The following RNASEH2B variants were observed in gnomAD, a reference collection of about 807,000 sequenced individuals.
The protein encoded by RNASEH2B is ribonuclease H2 subunit B.
A neutral mutation model predicts 45.0 loss-of-function variants in RNASEH2B; 36 were observed. The ratio of observed to expected loss-of-function variants is 0.80; its 90% CI spans 0.61 to 1.06. The LOEUF (loss-of-function observed/expected upper bound fraction) is 1.06, where lower values mean the gene tolerates loss of function less well. Among genes scored for constraint, RNASEH2B ranks in the 50% least tolerant of loss-of-function variants. The pLI, the probability that RNASEH2B is intolerant of heterozygous loss-of-function variation, is 0.00. For synonymous variants in RNASEH2B, 119 were observed against 125.7 expected (o/e 0.95, Z 0.35); for missense variants, 361 against 360.3 (o/e 1.00, Z -0.02).
At chr13:50,959,893 G>A (rs1952093594), downstream of RNASEH2B, 1 of 272,256 alleles carries the variant, frequency 3.7e-6, no homozygotes, top group South Asian at 1.7e-4. Context: ...ATTTTGTCAA[G>A]TTCTAAGAGT....
At chr13:50,949,254 C>T (rs547886735) in intron 8 of RNASEH2B, 2 of 560,936 alleles carry the variant, frequency 3.6e-6, no homozygotes, top group South Asian at 4.6e-5. Flanking sequence ...GTTCAGACAA[C>T]ACCAAAACAA....
At chr13:50,940,224 G>A (rs1951816819) in intron 5 of RNASEH2B, among the ~76,000 whole-genome samples, 1 of 152,186 alleles carries the variant, frequency 6.6e-6, no homozygotes, top group Non-Finnish European at 1.5e-5. Flanking sequence ...GCCCTATAAT[G>A]ATGGATGAGT....
chr13:50,934,679 G>A (rs750771633), intron 4 of RNASEH2B: 3 of 593,256 alleles, frequency 5.1e-6, no homozygotes, highest in Non-Finnish European at 6.0e-6. Context: ...GGTGTGCTGT[G>A]TGGGACTCCA....
intron 9 of RNASEH2B, chr13:50,969,911 A>G (rs1242748220): frequency 1.3e-6 from 2 of 1,550,848 alleles, no homozygotes; most frequent in African/African-American, 1.4e-5. Flanking sequence ...GACACACCAC[A>G]TGTTTTCCTT....
At chr13:50,911,333 GGTTA>G (rs1473244734) in intron 1 of RNASEH2B, 3 of 152,328 alleles carry the variant, frequency 2.0e-5, no homozygotes, top group Admixed American at 6.5e-5. Context: ...TTGGTTGGTT[GGTTA>G]GTTTTTTCAT....
chr13:50,916,946 T>C (rs1879778774), intron 1 of RNASEH2B, among the ~76,000 whole-genome samples: 1 of 152,106 alleles, frequency 6.6e-6, no homozygotes, highest in South Asian at 2.1e-4. Context: ...CCTCTCTGAG[T>C]GTTAACTTCC....
chr13:50,919,068 T>G (rs190637472), intron 1 of RNASEH2B, among the ~76,000 whole-genome samples: 92 of 152,314 alleles, frequency 6.0e-4, no homozygotes, highest in Admixed American at 2.8e-3. Flanking sequence ...TCAGAGAGGC[T>G]CAGGAACAAG....
rs1879244624 is a variant in RNASEH2B at position 50,910,000 on chromosome 13, T to C, written c.-77T>C. 1.5e-6 allele frequency: 2 copies of C among 1,294,252 alleles called. No individual in the cohort carries two copies. Among genetic ancestry groups the C allele is most frequent in the Admixed American group, 2.6e-5 (1 of 39,118 alleles). 80.2% of individuals were successfully genotyped at this position (1,294,252 alleles called of 1,614,324 possible). A position where few individuals can be genotyped will look rare whatever the true frequency, so the allele number is the denominator to read the frequency against. Reference sequence around the variant, plus strand: ...CCGCGCCACCCGGAACAGACCCTTCTCCCGCCATTTTCGGCGGGGCTGGGA... The same window carrying C: ...CCGCGCCACCCGGAACAGACCCTTCCCCCGCCATTTTCGGCGGGGCTGGGA... On this transcript the variant is annotated 5_prime_UTR_variant, in exon 1 of 11. Coordinates refer to ENST00000336617, the MANE Select transcript of RNASEH2B (RefSeq NM_024570.4).
At chr13:50,910,264 C>G in intron 1 of RNASEH2B, 124 bp downstream of exon 1, 3 of 599,454 alleles carry the variant, frequency 5.0e-6, no homozygotes, top group Non-Finnish European at 7.7e-6. Context: ...ATGGGATTCT[C>G]TCTGGGACAG....
rs750179605 is a variant in RNASEH2B, at chr13:50,954,001, T to C, written c.822+16T>C. On this transcript the variant is annotated intron_variant, in intron 10 of 10. Transcript: ENST00000336617. Reference sequence around the variant, plus strand: ...GACTGAAAAGGTATGTGGGTTCAGGTGTAGTGGTGTTTCGTTCATACTCAG... The same window carrying C: ...GACTGAAAAGGTATGTGGGTTCAGGCGTAGTGGTGTTTCGTTCATACTCAG... 49 of 1,517,972 alleles carry C rather than the reference T, an allele frequency of 3.2e-5. 1 individual carries two copies. In the South Asian group the frequency reaches 5.2e-4, roughly 16 times the overall value. 94.0% of individuals were successfully genotyped at this position (1,517,972 alleles called of 1,614,324 possible).
At position 50,927,477 on chromosome 13, in the gene RNASEH2B, AG is replaced by A. The variant is rs75186889; in HGVS notation, c.136+1del. On this transcript the variant is annotated frameshift_variant and splice_region_variant, in exon 2 of 11. Transcript: ENST00000336617. LOFTEE classifies it high-confidence loss of function. The part of the protein sequence containing the change: ...MFVKLVNPCS[G>X]EGAIYLFNMC... Reference sequence around the variant, plus strand: ...TTGTAAAACTGGTTAACCCCTGTTCAGGTAAGTTCTCTTCTCATAACTTGAA... The same window carrying A: ...TTGTAAAACTGGTTAACCCCTGTTCAGTAAGTTCTCTTCTCATAACTTGAA... 1.0e-5 allele frequency: 16 copies of A among 1,583,004 alleles called. No homozygotes were observed. The highest frequency in any genetic ancestry group is 3.3e-5 in the Admixed American group (2 of 59,964).
chr13:50,943,304 CT>C lies in RNASEH2B; in HGVS notation c.437-9del, dbSNP rs772054107. ...TTTTTTTTAATTCATTGTGCTGAGT[CT>C]TTTTTTTCTTTTAAGGTAATCCAGA... On this transcript the variant is annotated splice_polypyrimidine_tract_variant and intron_variant, in intron 5 of 10. Transcript: ENST00000336617. The C allele has an allele frequency of 3.6e-5, 51 of 1,429,118 alleles. No homozygotes were observed. Among genetic ancestry groups the C allele is most frequent in the African/African-American group, 4.3e-5 (3 of 70,500 alleles). 88.5% of individuals were successfully genotyped at this position (1,429,118 alleles called of 1,614,324 possible).
At chr13:50,949,010 T>G (rs1951941772) in intron 8 of RNASEH2B, 1 of 160,530 alleles carries the variant, frequency 6.2e-6, no homozygotes, top group Admixed American at 6.1e-5. Context: ...ACTAACATTT[T>G]TAAGTTTTGG....
chr13:50,935,117 A>G (rs1951730996), intron 5 of RNASEH2B, 118 bp downstream of exon 5: 2 of 722,266 alleles, frequency 2.8e-6, no homozygotes. Flanking sequence ...AGGGAAAACT[A>G]TCATTCAGAT....
At chr13:50,924,058 T>C (rs1259639581) in intron 1 of RNASEH2B, among the ~76,000 whole-genome samples, 1 of 152,106 alleles carries the variant, frequency 6.6e-6, no homozygotes, top group Admixed American at 6.5e-5. Flanking sequence ...GTATCAAAAA[T>C]GGTACCCTAG....
At chr13:50,917,374 T>C (rs1341986956) in intron 1 of RNASEH2B, among the ~76,000 whole-genome samples, 3 of 152,232 alleles carry the variant, frequency 2.0e-5, no homozygotes, top group Non-Finnish European at 2.9e-5. Flanking sequence ...GCTGGTAGTC[T>C]GTTTGACTGG....
chr13:50,931,470 C>T (rs1269228419), intron 4 of RNASEH2B, among the ~76,000 whole-genome samples: 1 of 152,034 alleles, frequency 6.6e-6, no homozygotes, highest in Non-Finnish European at 1.5e-5. Flanking sequence ...ACATAAATAA[C>T]ACATTTTTAT....
At chr13:50,962,108 A>T (rs79373839) in intron 9 of RNASEH2B, among the ~76,000 whole-genome samples, 1,537 of 152,102 alleles carry the variant, frequency 0.01, 25 homozygotes, top group African/African-American at 0.034. Context: ...TTTTCCTAAT[A>T]TTTTGTTAAG....
chr13:50,947,962 TCACTCC>T lies in RNASEH2B; in HGVS notation c.617-24_617-19del. On this transcript the variant is annotated intron_variant, in intron 7 of 10. Coordinates refer to ENST00000336617, the MANE Select transcript of RNASEH2B (RefSeq NM_024570.4). ...TAATTACTATTTTTTTTTTTTGCTT[TCACTCC>T]TCCTTCTGTTTCTTTCAGAGGATTA... The T allele has an allele frequency of 1.2e-6, 2 of 1,607,024 alleles. No individual in the cohort carries two copies. The highest frequency in any genetic ancestry group is 1.7e-6 in the Non-Finnish European group (2 of 1,178,740).
Sources: gnomAD v4.1 joint callset for allele counts (sites outside exome capture counted in the v4.1 genomes callset) on GRCh38, gnomAD v4.1.1 for gene constraint, MANE v1.5 for transcripts, NCBI Gene and HGNC (gene_info 2026-07-23, HGNC 2026-07-21) for gene names.